The following DNAAF9 variants were observed in gnomAD, a reference collection of about 807,000 sequenced individuals.
DNAAF9 encodes shulin.
Under a neutral mutation model 167.0 loss-of-function variants are expected in DNAAF9, and 90 were observed. The ratio of observed to expected loss-of-function variants is 0.54; its 90% CI spans 0.45 to 0.64. The LOEUF is 0.64. DNAAF9 is among the 30% of genes least tolerant of loss of function. The pLI is 0.00. For missense variants in DNAAF9, 1,315 were observed against 1,442.2 expected (o/e 0.91, Z 1.43); for synonymous variants, 491 against 508.8 (o/e 0.96, Z 0.47).
At chr20:3,330,791 CTTTTTT>C in intron 11 of DNAAF9, 109 bp from the exon 12 acceptor site, 6 of 414,466 alleles carry the variant, frequency 1.4e-5, no homozygotes, top group Middle Eastern at 4.9e-4. Context: ...AAGAACTACA[CTTTTTT>C]TTTTTTTTTT....
chr20:3,263,462 A>G (rs954984202), intron 31 of DNAAF9, among the ~76,000 whole-genome samples: 4 of 152,232 alleles, frequency 2.6e-5, no homozygotes, highest in Non-Finnish European at 5.9e-5. Flanking sequence ...TGTCCATGCT[A>G]TACAGGAATA....
chr20:3,389,909 G>A (rs6115869), intron 1 of DNAAF9, among the ~76,000 whole-genome samples: 6,796 of 152,040 alleles, frequency 0.045, 434 homozygotes, highest in East Asian at 0.15. Context: ...GATGGCGTGC[G>A]CCTGTAATCC....
At position 3,296,900 on chromosome 20, in the gene DNAAF9, A is replaced by G. The variant is rs748794087; in HGVS notation, c.1979T>C (p.Val660Ala). The G allele has an allele frequency of 6.8e-6, 11 of 1,611,560 alleles. 1 individual carries two copies. The South Asian group carries it at 1.1e-4, about 16-fold the overall frequency. Reference sequence around the variant, plus strand: ...CACAGATAATCCATCTTCCTGGATCACTTTTAAAGAGATCCCTGAGTTATC... The same window carrying G: ...CACAGATAATCCATCTTCCTGGATCGCTTTTAAAGAGATCCCTGAGTTATC... ...QQDNSGISLK[V>A]IQEDGLSVEQ... Residue 660 changes from valine to alanine, a missense_variant, in exon 23 of 37, where the codon GTG becomes GCG. By Grantham distance (64) the Val-to-Ala change is moderately conservative. Transcript: ENST00000252032.
At chr20:3,351,715 T>C (rs551963938) in intron 7 of DNAAF9, among the ~76,000 whole-genome samples, 1 of 152,318 alleles carries the variant, frequency 6.6e-6, no homozygotes, top group South Asian at 2.1e-4. Context: ...TACCATAGAA[T>C]TCACGATAGT....
At chr20:3,281,201 G>A (rs186993501) in intron 28 of DNAAF9, among the ~76,000 whole-genome samples, 14 of 152,130 alleles carry the variant, frequency 9.2e-5, no homozygotes, top group African/African-American at 3.4e-4. Context: ...GTTAATTTTT[G>A]TATTTTTAGT....
intron 7 of DNAAF9, among the ~76,000 whole-genome samples, chr20:3,356,672 G>A (rs1421367148): frequency 6.6e-6 from 1 of 152,002 alleles, no homozygotes; most frequent in African/African-American, 2.4e-5. Context: ...TGGCTCAGCT[G>A]GACTGTTACA....
intron 8 of DNAAF9, among the ~76,000 whole-genome samples, chr20:3,344,654 C>A (rs1191216831): frequency 6.7e-6 from 1 of 149,036 alleles, no homozygotes; most frequent in East Asian, 2.0e-4. Context: ...ATGTAGTGAA[C>A]TTAATAAATT....
At chr20:3,273,610 A>G (rs2068630337) in intron 29 of DNAAF9, among the ~76,000 whole-genome samples, 1 of 151,836 alleles carries the variant, frequency 6.6e-6, no homozygotes, top group South Asian at 2.1e-4. Flanking sequence ...ACTCAAGAGT[A>G]AGAACTCACT....
At chr20:3,329,318 C>T (rs905541936) in intron 12 of DNAAF9, among the ~76,000 whole-genome samples, 3 of 152,202 alleles carry the variant, frequency 2.0e-5, no homozygotes, top group Non-Finnish European at 4.4e-5. Flanking sequence ...CAGGCGTGTG[C>T]CACTATGTCC....
chr20:3,349,125 G>C (rs2070255830), intron 7 of DNAAF9, among the ~76,000 whole-genome samples: 1 of 146,654 alleles, frequency 6.8e-6, no homozygotes, highest in Admixed American at 7.0e-5. Flanking sequence ...AGGCCCAGGT[G>C]GGAGAATCAC....
chr20:3,284,889 T>C (rs1359559739), intron 27 of DNAAF9, among the ~76,000 whole-genome samples: 1 of 151,436 alleles, frequency 6.6e-6, no homozygotes. Flanking sequence ...GTGTGTGTAT[T>C]AAGTTCTATT....
At chr20:3,378,107 T>C (rs182306269) in intron 3 of DNAAF9, among the ~76,000 whole-genome samples, 55 of 152,314 alleles carry the variant, frequency 3.6e-4, no homozygotes, top group African/African-American at 1.3e-3. Flanking sequence ...AGTGTTCACA[T>C]AGTCACATCT....
chr20:3,359,277 G>A (rs958873577), intron 7 of DNAAF9, among the ~76,000 whole-genome samples: 1 of 152,206 alleles, frequency 6.6e-6, no homozygotes, highest in Non-Finnish European at 1.5e-5. Flanking sequence ...AGGCCAGGCA[G>A]GAGGCCCTGG....
chr20:3,313,074 C>T (rs2069441794), intron 20 of DNAAF9, among the ~76,000 whole-genome samples: 1 of 152,212 alleles, frequency 6.6e-6, no homozygotes, highest in African/African-American at 2.4e-5. Flanking sequence ...TAAGAAGGTG[C>T]AAACTAATTT....
intron 16 of DNAAF9, among the ~76,000 whole-genome samples, chr20:3,321,722 C>T (rs1199294654): frequency 6.6e-6 from 1 of 152,116 alleles, no homozygotes; most frequent in East Asian, 1.9e-4. Context: ...GTGCATGCCA[C>T]CACACCTGCC....
At chr20:3,334,650 C>T (rs1224671883) in intron 10 of DNAAF9, among the ~76,000 whole-genome samples, 1 of 152,166 alleles carries the variant, frequency 6.6e-6, no homozygotes, top group Non-Finnish European at 1.5e-5. Context: ...AGTGACTGTA[C>T]CTTTTTGCAT....
chr20:3,380,358 A>T (rs1940810697), intron 3 of DNAAF9, among the ~76,000 whole-genome samples: 2 of 152,236 alleles, frequency 1.3e-5, no homozygotes, highest in Non-Finnish European at 2.9e-5. Flanking sequence ...TCAGTCTATA[A>T]GAATAAACAC....
At chr20:3,367,144 C>A (rs1232284910) in intron 6 of DNAAF9, among the ~76,000 whole-genome samples, 1 of 152,166 alleles carries the variant, frequency 6.6e-6, no homozygotes, top group Non-Finnish European at 1.5e-5. Flanking sequence ...GAGACAGCTT[C>A]TTTCCTTAAA....
At chr20:3,255,932 C>G in intron 34 of DNAAF9, 74 bp downstream of exon 34, 1 of 1,142,504 alleles carries the variant, frequency 8.8e-7, no homozygotes. Context: ...AGTGGCGGGG[C>G]TTCTCAGGGC....
Sources: gnomAD v4.1 joint callset for allele counts (sites outside exome capture counted in the v4.1 genomes callset) on GRCh38, gnomAD v4.1.1 for gene constraint, MANE v1.5 for transcripts, NCBI Gene and HGNC (gene_info 2026-07-23, HGNC 2026-07-21) for gene names.